The following VMP1 variants were observed in gnomAD, a reference collection of about 807,000 sequenced individuals.
VMP1 encodes the protein vacuole membrane protein 1.
A neutral mutation model predicts 56.0 loss-of-function variants in VMP1; 11 were observed. That is an observed-to-expected ratio of 0.20 (90% CI 0.12 to 0.32). The LOEUF (loss-of-function observed/expected upper bound fraction) is 0.32, where lower values mean the gene tolerates loss of function less well. VMP1 is among the 10% of genes least tolerant of loss of function. The pLI is 1.00. For missense variants in VMP1, 296 were observed against 490.3 expected (o/e 0.60, Z 3.74); for synonymous variants, 149 against 165.0 (o/e 0.90, Z 0.74).
At chr17:59,790,053 C>T (rs905529536) in intron 7 of VMP1, among the ~76,000 whole-genome samples, 1 of 151,954 alleles carries the variant, frequency 6.6e-6, no homozygotes, top group Non-Finnish European at 1.5e-5. Context: ...ATTGGCCAGG[C>T]TGGTCCGGAA....
chr17:59,781,681 A>G (rs945019646), intron 7 of VMP1, among the ~76,000 whole-genome samples: 1 of 152,200 alleles, frequency 6.6e-6, no homozygotes, highest in African/African-American at 2.4e-5. Context: ...CATCTTTGCT[A>G]TAACGGGTTT....
At chr17:59,771,486 T>C (rs373891511) in intron 6 of VMP1, among the ~76,000 whole-genome samples, 3 of 152,150 alleles carry the variant, frequency 2.0e-5, no homozygotes. Context: ...CCCCGAGATA[T>C]AGTTTATATC....
intron 7 of VMP1, among the ~76,000 whole-genome samples, chr17:59,789,595 A>C (rs2037146150): frequency 6.6e-6 from 1 of 151,918 alleles, no homozygotes; most frequent in Non-Finnish European, 1.5e-5. Flanking sequence ...TTTGCTTATG[A>C]GTCTGTAAAT....
At chr17:59,721,722 A>AACAAG (rs1374397627) in intron 1 of VMP1, among the ~76,000 whole-genome samples, 49 of 148,056 alleles carry the variant, frequency 3.3e-4, no homozygotes, top group Non-Finnish European at 5.9e-4. Flanking sequence ...CTACAAACAA[A>AACAAG]ACAAAACAAA....
intron 1 of VMP1, among the ~76,000 whole-genome samples, chr17:59,713,290 T>C (rs553104984): frequency 1.3e-5 from 2 of 151,964 alleles, no homozygotes; most frequent in East Asian, 1.9e-4. Context: ...TTAGGAGATA[T>C]ACCTAATGTA....
chr17:59,807,812 A>G, intron 7 of VMP1, among the ~76,000 whole-genome samples: 1 of 148,212 alleles, frequency 6.7e-6, no homozygotes, highest in Non-Finnish European at 1.5e-5. Flanking sequence ...AGCCTGGGCA[A>G]CAAGAGTGAA....
intron 1 of VMP1, chr17:59,729,829 C>G (rs2034756426): frequency 6.6e-6 from 1 of 151,720 alleles, no homozygotes; most frequent in Non-Finnish European, 1.5e-5. Context: ...GGGATTACAG[C>G]CACCCACCAC....
At chr17:59,771,841 A>C (rs1398296595) in intron 6 of VMP1, among the ~76,000 whole-genome samples, 1 of 151,784 alleles carries the variant, frequency 6.6e-6, no homozygotes, top group Non-Finnish European at 1.5e-5. Context: ...TCAGCCTCCC[A>C]AAGTTCTGGG....
chr17:59,810,107 T>A (rs762791400), intron 8 of VMP1, among the ~76,000 whole-genome samples: 6 of 152,320 alleles, frequency 3.9e-5, no homozygotes, highest in Non-Finnish European at 8.8e-5. Context: ...TAAAGCGATG[T>A]TAGCTCAGGG....
chr17:59,718,236 A>G (rs1470814191), intron 1 of VMP1, among the ~76,000 whole-genome samples: 1 of 116,324 alleles, frequency 8.6e-6, no homozygotes, highest in Non-Finnish European at 1.6e-5. Flanking sequence ...TCGCTCTGTC[A>G]CCCAGGCTGG....
intron 4 of VMP1, among the ~76,000 whole-genome samples, chr17:59,737,881 TG>T (rs1314398083): frequency 6.6e-6 from 1 of 152,088 alleles, no homozygotes; most frequent in African/African-American, 2.4e-5. Flanking sequence ...GCAATTCTCC[TG>T]CTGTAGCCTC....
At chr17:59,747,497 C>T (rs891440316) in intron 5 of VMP1, among the ~76,000 whole-genome samples, 3 of 151,042 alleles carry the variant, frequency 2.0e-5, no homozygotes, top group Admixed American at 6.6e-5. Context: ...ACAACTTCTG[C>T]CTCCCAGGCT....
chr17:59,792,219 A>G (rs2144125347), intron 7 of VMP1, among the ~76,000 whole-genome samples: 1 of 152,176 alleles, frequency 6.6e-6, no homozygotes, highest in Admixed American at 6.5e-5. Context: ...CATGATTGTA[A>G]TGAACTATGA....
In VMP1 at chr17:59,841,553, G is replaced by T; in HGVS notation, c.*1642G>T. ...AAAGGAAAACTAAGCTGCATTGTGGGTTTTGAAAAGGTTATTATACTTCTT... is the reference window on the plus strand; with the variant it reads ...AAAGGAAAACTAAGCTGCATTGTGGTTTTTGAAAAGGTTATTATACTTCTT... On this transcript the variant is annotated 3_prime_UTR_variant, in exon 12 of 12. Transcript: ENST00000262291. 5.1e-6 allele frequency: 1 copy of T among 198,014 alleles called. No homozygotes were observed. The allele number at this position is 198,014 out of a possible 1,614,324, so 12.3% of individuals were successfully genotyped here. A position where few individuals can be genotyped will look rare whatever the true frequency, so the allele number is the denominator to read the frequency against.
intron 1 of VMP1, among the ~76,000 whole-genome samples, chr17:59,728,439 C>CAT (rs145854135): frequency 0.037 from 5,621 of 152,160 alleles, 372 homozygotes; most frequent in African/African-American, 0.13. Flanking sequence ...CCCCCTAACT[C>CAT]ATATATCTGA....
chr17:59,813,416 A>G (rs1598431119), intron 9 of VMP1, among the ~76,000 whole-genome samples: 1 of 152,038 alleles, frequency 6.6e-6, no homozygotes, highest in East Asian at 1.9e-4. Flanking sequence ...TGTCTCTACT[A>G]AAAATACAAA....
intron 4 of VMP1, 148 bp from the exon 5 acceptor site, chr17:59,738,689 G>T (rs1268674802): frequency 1.1e-5 from 6 of 546,214 alleles, no homozygotes; most frequent in East Asian, 1.0e-4. Flanking sequence ...GTGTATTAAA[G>T]AAATTAGGCC....
intron 7 of VMP1, among the ~76,000 whole-genome samples, chr17:59,783,782 A>G (rs1356457719): frequency 6.6e-6 from 1 of 152,046 alleles, no homozygotes; most frequent in Non-Finnish European, 1.5e-5. Context: ...TCAGGCCTTT[A>G]TCAACCCTTA....
intron 8 of VMP1, among the ~76,000 whole-genome samples, chr17:59,810,262 T>G (rs2038011651): frequency 6.6e-6 from 1 of 152,100 alleles, no homozygotes; most frequent in South Asian, 2.1e-4. Flanking sequence ...CAAGCGATTC[T>G]CCTGCCTCAG....
Sources: allele counts gnomAD v4.1 joint callset (sites outside exome capture counted in the v4.1 genomes callset), GRCh38; gene constraint gnomAD v4.1.1; transcripts MANE v1.5; gene names NCBI Gene and HGNC (gene_info 2026-07-23, HGNC 2026-07-21).